The following CABIN1 variants were observed in gnomAD, a reference collection of about 807,000 sequenced individuals.
CABIN1 encodes calcineurin-binding protein cabin-1.
In CABIN1, 133 loss-of-function variants were observed where a neutral mutation model predicts 227.7. The ratio of observed to expected loss-of-function variants is 0.58; its 90% confidence interval spans 0.51 to 0.67. The LOEUF (loss-of-function observed/expected upper bound fraction) is 0.67, where lower values mean the gene tolerates loss of function less well. Ranked by LOEUF, CABIN1 falls within the 30% of genes least tolerant of loss-of-function variation. The pLI, the probability that CABIN1 is intolerant of heterozygous loss-of-function variation, is 0.00. For missense variants in CABIN1, 2,408 were observed against 2,852.5 expected (o/e 0.84, Z 3.55); for synonymous variants, 1,086 against 1,155.1 (o/e 0.94, Z 1.21).
intron 33 of CABIN1, 121 bp downstream of exon 33, chr22:24,168,642 G>A: frequency 1.2e-6 from 1 of 852,922 alleles, no homozygotes; most frequent in Non-Finnish European, 1.9e-6. Context: ...AGCTTGGGCT[G>A]AGGGGAGATG....
At chr22:24,108,823 A>G (rs1182733658) in intron 26 of CABIN1, among the ~76,000 whole-genome samples, 1 of 152,136 alleles carries the variant, frequency 6.6e-6, no homozygotes, top group African/African-American at 2.4e-5. Context: ...CCCCATCTAC[A>G]TGGTGCTGCT....
chr22:24,077,420 G>T (rs2040519315), intron 19 of CABIN1, among the ~76,000 whole-genome samples: 1 of 152,180 alleles, frequency 6.6e-6, no homozygotes, highest in African/African-American at 2.4e-5. Flanking sequence ...TGTATGTATA[G>T]AGCTTGACAG....
chr22:24,150,984 G>A (rs531673973), intron 29 of CABIN1, among the ~76,000 whole-genome samples: 5 of 152,266 alleles, frequency 3.3e-5, no homozygotes, highest in South Asian at 2.1e-4. Context: ...GACTCTGTAG[G>A]GCAAGCATGG....
intron 24 of CABIN1, 199 bp downstream of exon 24, chr22:24,092,042 G>A (rs1007482186): frequency 1.5e-6 from 1 of 657,460 alleles, no homozygotes; most frequent in Non-Finnish European, 2.6e-6. Flanking sequence ...ATCCTTTCTG[G>A]GAGAGTGACC....
intron 6 of CABIN1, among the ~76,000 whole-genome samples, chr22:24,047,279 T>G (rs1306803233): frequency 1.3e-5 from 2 of 152,186 alleles, no homozygotes; most frequent in African/African-American, 4.8e-5. Flanking sequence ...TTTATGTATT[T>G]GATATGAGTA....
At chr22:24,115,270 C>A (rs2043018564) in intron 27 of CABIN1, among the ~76,000 whole-genome samples, 1 of 152,190 alleles carries the variant, frequency 6.6e-6, no homozygotes, top group South Asian at 2.1e-4. Context: ...GGGAACGAAG[C>A]AGAGAGTGAG....
At chr22:24,142,323 C>G (rs1228868482) in intron 29 of CABIN1, among the ~76,000 whole-genome samples, 1 of 152,146 alleles carries the variant, frequency 6.6e-6, no homozygotes, top group Admixed American at 6.5e-5. Flanking sequence ...CCTAGCTCAG[C>G]AGGCAGGGAG....
chr22:24,116,208 A>G (rs1023872025), intron 27 of CABIN1, among the ~76,000 whole-genome samples: 38 of 152,210 alleles, frequency 2.5e-4, no homozygotes, highest in African/African-American at 9.2e-4. Flanking sequence ...AGTCTAAAAT[A>G]TGAAGGTCGC....
At chr22:24,156,828 G>T (rs1017594794) in intron 29 of CABIN1, among the ~76,000 whole-genome samples, 2 of 152,166 alleles carry the variant, frequency 1.3e-5, no homozygotes, top group African/African-American at 4.8e-5. Context: ...CCATGCACTT[G>T]GTTGTTTGTC....
intron 34 of CABIN1, chr22:24,175,819 G>A (rs911143010): frequency 1.4e-4 from 73 of 528,024 alleles, no homozygotes; most frequent in Non-Finnish European, 2.2e-4. Context: ...CTTAAGAGAG[G>A]CTGGGCCTCG....
At chr22:24,170,628 A>G (rs980784563) in intron 33 of CABIN1, among the ~76,000 whole-genome samples, 1 of 152,146 alleles carries the variant, frequency 6.6e-6, no homozygotes, top group Non-Finnish European at 1.5e-5. Flanking sequence ...CCTGGGGCAC[A>G]TCCCAGACAC....
intron 16 of CABIN1, among the ~76,000 whole-genome samples, chr22:24,070,161 C>A (rs1242627763): frequency 9.9e-5 from 15 of 152,102 alleles, no homozygotes; most frequent in Admixed American, 8.5e-4. Flanking sequence ...TCTGAGAGTT[C>A]TTCCATGTGC....
intron 29 of CABIN1, among the ~76,000 whole-genome samples, chr22:24,140,849 G>T (rs910011309): frequency 3.3e-5 from 5 of 152,138 alleles, no homozygotes; most frequent in African/African-American, 1.2e-4. Context: ...CCTGAGTGTG[G>T]TGTCTCCCCT....
intron 13 of CABIN1, 37 bp downstream of exon 13, chr22:24,062,062 T>C (rs1462865314): frequency 6.5e-7 from 1 of 1,530,290 alleles, no homozygotes; most frequent in East Asian, 2.2e-5. Flanking sequence ...CAGGCTAATA[T>C]CTGAACCCCC....
intron 19 of CABIN1, 145 bp downstream of exon 19, chr22:24,076,429 T>C (rs2040449535): frequency 1.4e-6 from 1 of 708,798 alleles, no homozygotes; most frequent in African/African-American, 1.7e-5. Context: ...TTTGACTTAC[T>C]GCATTTCTCA....
chr22:24,119,292 G>A (rs1397329811), intron 27 of CABIN1, 75 bp from the exon 28 acceptor site: 29 of 1,311,708 alleles, frequency 2.2e-5, no homozygotes, highest in South Asian at 4.7e-5. Flanking sequence ...AGGCGCCTCC[G>A]TTACTGGTGG....
At chr22:24,110,633 AC>A (rs2042757333) in intron 26 of CABIN1, among the ~76,000 whole-genome samples, 1 of 18,724 alleles carries the variant, frequency 5.3e-5, no homozygotes, top group Non-Finnish European at 9.3e-5. Context: ...CTGGAAAAAA[AC>A]AAACCTTTTT....
In CABIN1 at chr22:24,084,759, G is replaced by C. The variant is rs1474055647; in HGVS notation, c.3091G>C (p.Ala1031Pro). The part of the protein sequence containing the change: ...RPALSLDKVS[A>P]YIEGTSTEVP... ...AGCCCTTAGCCTGGACAAAGTCTCT[G>C]CCTACATTGAGGGAACTTCAACTGA... is the stretch of plus-strand genomic sequence containing the variant. Residue 1031 changes from alanine (A) to proline (P), a missense_variant, in exon 21 of 37, where the codon GCC (alanine) becomes CCC (proline). Physicochemically the swap from Ala to Pro is conservative, Grantham distance 27 (BLOSUM62 -1). Around this residue, in one of 3 missense-constraint regions of CABIN1, gnomAD observed 649 missense variants for 910.3 expected, o/e 0.71. Transcript: ENST00000263119. The C allele has an allele frequency of 6.2e-7, 1 of 1,614,216 alleles. No individual in the cohort carries two copies. The highest frequency in any genetic ancestry group is 1.7e-5 in the Admixed American group (1 of 60,034).
At position 24,021,571 on chromosome 22, in the gene CABIN1, A is replaced by C. The variant is rs573891244; in HGVS notation, c.-75+10204A>C. Among the ~76,000 whole-genome samples, 4 of 152,190 alleles carry C rather than the reference A, an allele frequency of 2.6e-5. No individual in the cohort carries two copies. In the South Asian group the frequency reaches 6.2e-4, roughly 24 times the overall value. On this transcript the variant is annotated intron_variant, in intron 1 of 36. Coordinates refer to ENST00000263119, the MANE Select transcript of CABIN1 (RefSeq NM_012295.4). ...GGCCTTAGCCTCCTGAGTAGGTGAA[A>C]TTACAGGTGCACACTGCCATACTTG...
Sources: allele counts gnomAD v4.1 joint callset (sites outside exome capture counted in the v4.1 genomes callset), GRCh38; gene constraint gnomAD v4.1.1; regional missense constraint gnomAD v4.1.1; transcripts MANE v1.5; gene names NCBI Gene and HGNC (gene_info 2026-07-23, HGNC 2026-07-21).